DCLK2: variants seen among roughly 807,000 people sequenced by gnomAD.
The protein encoded by DCLK2 is doublecortin like kinase 2.
Under a neutral mutation model 78.4 loss-of-function variants are expected in DCLK2, and 31 were observed. That is an observed-to-expected ratio of 0.40 (90% CI 0.30 to 0.53). DCLK2 has a LOEUF of 0.53. DCLK2 is among the 20% of genes least tolerant of loss of function. The probability of loss-of-function intolerance (pLI) is 0.61; values close to 1 mark genes in which losing one functional copy is unlikely to be tolerated. For synonymous variants in DCLK2, 407 were observed against 374.9 expected, an observed-to-expected ratio of 1.09 and a Z score of -0.99; for missense variants, 872 against 973.7, an observed-to-expected ratio of 0.90 and a Z score of 1.39.
intron 2 of DCLK2, among the ~76,000 whole-genome samples, chr4:150,173,865 ATGGCAGTGATGAGAG>A (rs970706070): frequency 4.9e-4 from 74 of 152,286 alleles, no homozygotes; most frequent in African/African-American, 1.7e-3. Context: ...TGAACAGCTC[ATGGCAGTGATGAGAG>A]TAATATTCAA....
At chr4:150,130,480 G>A (rs981542402) in intron 2 of DCLK2, among the ~76,000 whole-genome samples, 2 of 152,112 alleles carry the variant, frequency 1.3e-5, no homozygotes, top group Non-Finnish European at 2.9e-5. Flanking sequence ...TGCACGTACA[G>A]CAGTAGCAGC....
At chr4:150,101,730 G>T (rs1490154329) in intron 1 of DCLK2, among the ~76,000 whole-genome samples, 2 of 152,048 alleles carry the variant, frequency 1.3e-5, no homozygotes, top group African/African-American at 4.8e-5. Flanking sequence ...CTCTTATGTT[G>T]TACTTAATAA....
chr4:150,130,056 G>C (rs763438933), intron 2 of DCLK2, among the ~76,000 whole-genome samples: 2 of 152,090 alleles, frequency 1.3e-5, no homozygotes, highest in Admixed American at 1.3e-4. Context: ...ATGAGAGAAC[G>C]GGATTAAATT....
At position 150,232,373 on chromosome 4, in the gene DCLK2, C is replaced by A; in HGVS notation, c.1336C>A (p.Arg446=). The A allele has an allele frequency of 2.5e-6, 4 of 1,614,094 alleles. No individual in the cohort carries two copies. The highest frequency in any genetic ancestry group is 3.4e-6 in the Non-Finnish European group (4 of 1,179,990). Residue 446 remains arginine (R), a synonymous_variant, in exon 9 of 16, where the codon CGA becomes AGA. Coordinates refer to ENST00000296550, the MANE Select transcript of DCLK2 (RefSeq NM_001040260.4). ...LIENEVSILR[R]VKHPNIIMLV... ...TGAGAATGAAGTGTCAATACTGCGC[C>A]GAGTGAAACATCCCAATATCATTAT...
intron 15 of DCLK2, among the ~76,000 whole-genome samples, chr4:150,252,429 G>A (rs758575540): frequency 1.6e-4 from 24 of 152,184 alleles, no homozygotes; most frequent in Non-Finnish European, 2.9e-4. Flanking sequence ...GAGTTTGCTC[G>A]GAGACTGTGA....
At chr4:150,215,811 G>A (rs1740666623) in intron 5 of DCLK2, among the ~76,000 whole-genome samples, 1 of 152,196 alleles carries the variant, frequency 6.6e-6, no homozygotes. Context: ...GAGCATTCCT[G>A]GCTTCAGGGT....
intron 2 of DCLK2, among the ~76,000 whole-genome samples, chr4:150,168,375 T>A (rs1736263794): frequency 6.7e-6 from 1 of 149,174 alleles, no homozygotes; most frequent in African/African-American, 2.5e-5. Context: ...AAGTCAGAGG[T>A]CAAACTGTGC....
chr4:150,171,230 C>T (rs1426370209), intron 2 of DCLK2, among the ~76,000 whole-genome samples: 2 of 152,172 alleles, frequency 1.3e-5, no homozygotes, highest in Non-Finnish European at 2.9e-5. Flanking sequence ...CCTGTAATCC[C>T]AGCACTTTGG....
intron 2 of DCLK2, among the ~76,000 whole-genome samples, chr4:150,119,742 T>C (rs1732378893): frequency 6.6e-6 from 1 of 152,076 alleles, no homozygotes; most frequent in African/African-American, 2.4e-5. Flanking sequence ...CCTGAAAATA[T>C]TTAGCAGGGA....
intron 2 of DCLK2, among the ~76,000 whole-genome samples, chr4:150,141,804 T>C (rs4513543): frequency 0.14 from 20,558 of 152,182 alleles, 1,716 homozygotes; most frequent in African/African-American, 0.23. Flanking sequence ...TATGTTTTTG[T>C]TTGTGTGGTT....
chr4:150,190,765 G>C (rs1738391467), intron 2 of DCLK2, among the ~76,000 whole-genome samples: 1 of 152,096 alleles, frequency 6.6e-6, no homozygotes, highest in Non-Finnish European at 1.5e-5. Flanking sequence ...ACATTGAATT[G>C]TGGACCTTAA....
At chr4:150,253,078 C>T (rs937046352) in intron 15 of DCLK2, among the ~76,000 whole-genome samples, 10 of 149,978 alleles carry the variant, frequency 6.7e-5, no homozygotes, top group African/African-American at 1.7e-4. Context: ...TTGTCCTCCT[C>T]GTCCTCCTCA....
At chr4:150,245,940 A>G (rs1021654117) in intron 12 of DCLK2, among the ~76,000 whole-genome samples, 1 of 152,220 alleles carries the variant, frequency 6.6e-6, no homozygotes, top group African/African-American at 2.4e-5. Flanking sequence ...TCATGCTTCT[A>G]TAAAGACACA....
chr4:150,109,012 A>G (rs941218068), intron 2 of DCLK2, among the ~76,000 whole-genome samples: 2 of 152,144 alleles, frequency 1.3e-5, no homozygotes, highest in African/African-American at 2.4e-5. Flanking sequence ...CTTATCAGTC[A>G]TATTAGAGTT....
intron 2 of DCLK2, among the ~76,000 whole-genome samples, chr4:150,119,017 G>C (rs1179673577): frequency 7.1e-6 from 1 of 141,672 alleles, no homozygotes; most frequent in African/African-American, 2.7e-5. Flanking sequence ...AGTTGAGTGA[G>C]GCTCTGTCTC....
chr4:150,248,442 G>T, intron 14 of DCLK2, 57 bp downstream of exon 14: 1 of 1,396,404 alleles, frequency 7.2e-7, no homozygotes. Context: ...CCAACAGCAC[G>T]GTTCCTCACT....
At position 150,185,596 on chromosome 4, in the gene DCLK2, C is replaced by A. The variant is rs537128348; in HGVS notation, c.757-7542C>A. Among the ~76,000 whole-genome samples the A allele has an allele frequency of 2.6e-5, 4 of 152,014 alleles. No homozygotes were observed. In the South Asian group the frequency reaches 8.3e-4, roughly 32 times the overall value. ...GGACGTGGTGGTGGGTGCCTGTAAT[C>A]CCAACTACTCGGGAGGCTGAGGCAG... On this transcript the variant is annotated intron_variant, in intron 2 of 15. Transcript: ENST00000296550.
At chr4:150,224,189 CT>C (rs1410341322) in intron 7 of DCLK2, among the ~76,000 whole-genome samples, 1 of 151,032 alleles carries the variant, frequency 6.6e-6, no homozygotes, top group African/African-American at 2.4e-5. Flanking sequence ...TTTTGGGTAC[CT>C]TTGTCCCCTG....
chr4:150,175,122 T>A (rs1320937115), intron 2 of DCLK2, among the ~76,000 whole-genome samples: 2 of 66,748 alleles, frequency 3.0e-5, no homozygotes, highest in African/African-American at 6.7e-5. Context: ...TTATATTTTT[T>A]ATATATATAT....
Sources: allele counts gnomAD v4.1 joint callset (sites outside exome capture counted in the v4.1 genomes callset), GRCh38; gene constraint gnomAD v4.1.1; transcripts MANE v1.5; gene names NCBI Gene and HGNC (gene_info 2026-07-23, HGNC 2026-07-21).